The following ARMCX4 variants were observed in gnomAD, a reference collection of about 807,000 sequenced individuals.
The protein encoded by ARMCX4 is armadillo repeat-containing X-linked protein 4.
ARMCX4 carries 3 observed loss-of-function variants against 34.7 expected under a neutral mutation model. The observed-to-expected ratio is 0.09, with a 90% CI of 0.04 to 0.22. ARMCX4 has a LOEUF of 0.22. Ranked by LOEUF, ARMCX4 falls within the 10% of genes least tolerant of loss-of-function variation. The pLI is 1.00. For missense variants in ARMCX4, 1,448 were observed against 1,720.8 expected (o/e 0.84, Z 2.81); for synonymous variants, 513 against 632.8 (o/e 0.81, Z 2.84).
intron 3 of ARMCX4, among the ~76,000 whole-genome samples, chrX:101,444,802 C>T (rs1235726991): frequency 9.9e-6 from 1 of 100,969 alleles, no homozygotes; most frequent in Admixed American, 1.1e-4. Context: ...TAATTACAAC[C>T]TCATCACCTC....
upstream of ARMCX4, among the ~76,000 whole-genome samples, chrX:101,483,088 G>A (rs1408980695): frequency 9.2e-6 from 1 of 108,206 alleles, no homozygotes; most frequent in African/African-American, 3.4e-5. Context: ...TAGAAACGGG[G>A]TTTCACCACG....
chrX:101,453,883 C>T (rs868959347), intron 4 of ARMCX4, among the ~76,000 whole-genome samples: 1 of 110,705 alleles, frequency 9.0e-6, no homozygotes, highest in East Asian at 2.8e-4. Context: ...GAGGCAAGTA[C>T]GATAGGTATC....
intron 7 of ARMCX4, among the ~76,000 whole-genome samples, chrX:101,501,953 A>C (rs1218330817): frequency 8.9e-6 from 1 of 112,514 alleles, no homozygotes; most frequent in Non-Finnish European, 1.9e-5. Flanking sequence ...TGTTGGAAAA[A>C]GATGCCATGT....
chrX:101,464,656 G>T (rs1932760712), intron 4 of ARMCX4, among the ~76,000 whole-genome samples: 1 of 111,803 alleles, frequency 8.9e-6, no homozygotes, highest in Non-Finnish European at 1.9e-5. Flanking sequence ...TCCCCTTTTA[G>T]ATGATGGATT....
chrX:101,494,173 G>A lies in ARMCX4; in HGVS notation c.5584G>A (p.Glu1862Lys). 1 of 1,133,441 alleles carries A rather than the reference G, an allele frequency of 8.8e-7. No homozygotes were observed. Among genetic ancestry groups the A allele is most frequent in the African/African-American group, 1.8e-5 (1 of 55,380 alleles). 93.4% of individuals were successfully genotyped at this position (1,133,441 alleles called of 1,213,427 possible). ...WSWDGDATTV[E>K]SRLGAGEEAG... is the part of the protein sequence containing the mutation. ...CTGGGATGGAGATGCAACCACTGTA[G>A]AGTCTAGGCTTGGGGCTGGGGAAGA... is the stretch of plus-strand genomic sequence containing the variant. Residue 1862 changes from glutamate to lysine, a missense_variant, in exon 6 of 6, where the codon GAG becomes AAG. By Grantham distance (56) the Glu-to-Lys change is moderately conservative. Coordinates refer to ENST00000423738, the MANE Select transcript of ARMCX4 (RefSeq NM_001256155.3).
chrX:101,457,873 G>A (rs1336441585), intron 4 of ARMCX4, among the ~76,000 whole-genome samples: 1 of 110,038 alleles, frequency 9.1e-6, no homozygotes. Context: ...CTCCTGAGTA[G>A]CTGGGACTAC....
At chrX:101,526,908 C>T (rs1274176668) in intron 11 of ARMCX4, among the ~76,000 whole-genome samples, 2 of 111,537 alleles carry the variant, frequency 1.8e-5, no homozygotes, top group Admixed American at 9.5e-5. Context: ...CCACTGTCAA[C>T]ATTAGATAGA....
chrX:101,433,001 T>TACACACACATATGTATACATACAC (rs1569314946), intron 2 of ARMCX4, among the ~76,000 whole-genome samples: 2 of 57,783 alleles, frequency 3.5e-5, no homozygotes, highest in Non-Finnish European at 8.1e-5. Flanking sequence ...TATACATATA[T>TACACACACATATGTATACATACAC]GTGTATATAT....
intron 4 of ARMCX4, among the ~76,000 whole-genome samples, chrX:101,479,263 G>A (rs782802296): frequency 5.9e-5 from 6 of 101,896 alleles, no homozygotes; most frequent in Admixed American, 1.1e-4. Context: ...AAATATTGGG[G>A]AATACAGCTA....
chrX:101,440,378 T>A (rs782462287), intron 2 of ARMCX4, among the ~76,000 whole-genome samples: 2 of 111,874 alleles, frequency 1.8e-5, no homozygotes, highest in African/African-American at 6.5e-5. Flanking sequence ...GAGGTGTCAG[T>A]CTGCCCCTGC....
chrX:101,473,390 A>T lies in ARMCX4; in HGVS notation c.-472-12633A>T, dbSNP rs1249650289. On this transcript the variant is annotated intron_variant and NMD_transcript_variant, in intron 4 of 15. Coordinates refer to the ARMCX4 transcript ENST00000433011. ...TTTAACACCCCACTGTCAACATTAGACAGATCAACGAGACAGAAAGTCAAC... is the reference window on the plus strand; with the variant it reads ...TTTAACACCCCACTGTCAACATTAGTCAGATCAACGAGACAGAAAGTCAAC... Among the ~76,000 whole-genome samples the T allele has an allele frequency of 1.2e-3, 129 of 105,721 alleles. 1 individual carries two copies. The highest frequency in any genetic ancestry group is 4.2e-3 in the African/African-American group (121 of 29,015). 91.8% of individuals were successfully genotyped at this position (105,721 alleles called of 115,157 possible).
At position 101,488,597 on chromosome X, in the gene ARMCX4, G is replaced by A. The variant is rs184809509; in HGVS notation, c.8G>A (p.Arg3His). Residue 3 changes from arginine (R) to histidine (H), a missense_variant, in exon 6 of 6, where the codon CGC becomes CAC. Arg to His is a conservative substitution (Grantham distance 29, BLOSUM62 0). Transcript: ENST00000423738. MGRIQEVGWVTAG... is the reference protein window; with the variant it reads MGHIQEVGWVTAG... ...TTTAGCAGGGGTGATTACATGGGCC[G>A]CATTCAGGAAGTGGGCTGGGTGACT... is the stretch of plus-strand genomic sequence containing the variant. The A allele has an allele frequency of 1.0e-4, 119 of 1,154,049 alleles. No homozygotes were observed. In the African/African-American group the frequency reaches 1.7e-3, roughly 16 times the overall value.
chrX:101,508,317 A>C (rs1569343884), intron 8 of ARMCX4, among the ~76,000 whole-genome samples: 2 of 112,271 alleles, frequency 1.8e-5, no homozygotes. Context: ...AACAACAAAA[A>C]TTTATTTTCT....
chrX:101,524,963 T>A (rs145416217), intron 11 of ARMCX4, among the ~76,000 whole-genome samples: 210 of 111,937 alleles, frequency 1.9e-3, no homozygotes, highest in African/African-American at 6.4e-3. Context: ...CAGCATGTAG[T>A]TTAGGCTCTG....
downstream of ARMCX4, among the ~76,000 whole-genome samples, chrX:101,449,279 T>C (rs1253508494): frequency 2.7e-5 from 3 of 112,480 alleles, no homozygotes; most frequent in Admixed American, 9.4e-5. Context: ...TCTGTTATTA[T>C]CCCTTTGAAT....
intron 11 of ARMCX4, among the ~76,000 whole-genome samples, chrX:101,527,559 A>T (rs1253516862): frequency 8.9e-6 from 1 of 111,784 alleles, no homozygotes; most frequent in African/African-American, 3.3e-5. Context: ...TTTTGAAAAG[A>T]TCAACAAAAT....
chrX:101,488,917 G>A lies in ARMCX4; in HGVS notation c.328G>A (p.Glu110Lys). The A allele has an allele frequency of 8.6e-7, 1 of 1,156,356 alleles. No individual in the cohort carries two copies. The highest frequency in any genetic ancestry group is 1.1e-6 in the Non-Finnish European group (1 of 873,084). The change falls in exon 6 of 6, where the codon GAG becomes AAG. Residue 110 changes from glutamate (E) to lysine (K), a missense_variant. Physicochemically the swap from Glu to Lys is moderately conservative, Grantham distance 56. Around this residue, in one of 2 missense-constraint regions of ARMCX4, gnomAD observed 1,343 missense variants for 1,540.7 expected, o/e 0.87. Coordinates refer to ENST00000423738, the MANE Select transcript of ARMCX4 (RefSeq NM_001256155.3). ...NSQAKAMVGA[E>K]PETQSESKVV... ...TCAGGCCAAGGCAATGGTTGGGGCA[G>A]AGCCAGAGACTCAATCTGAGTCCAA...
intron 2 of ARMCX4, among the ~76,000 whole-genome samples, chrX:101,424,146 AGCCACC>A (rs1555990549): frequency 9.0e-6 from 1 of 111,256 alleles, no homozygotes; most frequent in Non-Finnish European, 1.9e-5. Flanking sequence ...TACAGGCGTG[AGCCACC>A]GTGCCTGGCT....
chrX:101,528,466 T>C (rs781953107), intron 11 of ARMCX4, among the ~76,000 whole-genome samples: 1 of 111,526 alleles, frequency 9.0e-6, no homozygotes, highest in South Asian at 3.8e-4. Context: ...CAACATAGTG[T>C]TGGAAATTAA....
Sources: gnomAD v4.1 joint callset for allele counts (sites outside exome capture counted in the v4.1 genomes callset) on GRCh38, gnomAD v4.1.1 for gene constraint, gnomAD v4.1.1 regional missense constraint, MANE v1.5 for transcripts, NCBI Gene and HGNC (gene_info 2026-07-23, HGNC 2026-07-21) for gene names.